Variants in ADA2 observed in about 807,000 individuals in gnomAD.
The protein encoded by ADA2 is adenosine deaminase CECR1.
Under a neutral mutation model 44.2 loss-of-function variants are expected in ADA2, and 29 were observed. That is an observed-to-expected ratio of 0.66 (90% CI 0.49 to 0.89). The LOEUF (loss-of-function observed/expected upper bound fraction) is 0.89. ADA2 is among the 40% of genes least tolerant of loss of function. The probability of loss-of-function intolerance (pLI) is 0.00; values close to 1 mark genes in which losing one functional copy is unlikely to be tolerated. For synonymous variants in ADA2, 215 were observed against 234.9 expected (o/e 0.92, Z 0.77); for missense variants, 637 against 644.8 (o/e 0.99, Z 0.13).
chr22:17,212,728 T>C (rs1338074645), intron 1 of ADA2, among the ~76,000 whole-genome samples: 3 of 151,688 alleles, frequency 2.0e-5, no homozygotes, highest in Non-Finnish European at 4.4e-5. Flanking sequence ...AAATGGCCAA[T>C]ACGTATACGA....
chr22:17,208,424 A>G (rs2062378470), intron 2 of ADA2, among the ~76,000 whole-genome samples: 1 of 128,328 alleles, frequency 7.8e-6, no homozygotes, highest in South Asian at 2.6e-4. Context: ...ACTCCGTCTC[A>G]AAAAAAAAAA....
At chr22:17,203,037 G>C (rs902085539) in intron 4 of ADA2, among the ~76,000 whole-genome samples, 1 of 152,044 alleles carries the variant, frequency 6.6e-6, no homozygotes, top group Non-Finnish European at 1.5e-5. Context: ...GCCTCCCAAA[G>C]TGCTGGGATT....
Position 17,207,138 on chromosome 22 carries a change from A to G in ADA2, c.475T>C (p.Cys159Arg). ...TCCTCCAGCAGAATCCACTTGGAACATTTTTCTGATGGACGGGGAGTTGGG... is the reference window on the plus strand; with the variant it reads ...TCCTCCAGCAGAATCCACTTGGAACGTTTTTCTGATGGACGGGGAGTTGGG... ...AHPTPRPSEKCSKWILLEDYR... is the reference protein window; with the variant it reads ...AHPTPRPSEKRSKWILLEDYR... The change falls in exon 3 of 10, where the codon TGT (cysteine) becomes CGT (arginine). Residue 159 changes from cysteine to arginine, a missense_variant. By Grantham distance (180) the Cys-to-Arg change is radical (BLOSUM62 -3). Coordinates refer to ENST00000399837, the MANE Select transcript of ADA2 (RefSeq NM_001282225.2). 1.9e-6 allele frequency: 3 copies of G among 1,614,166 alleles called. No homozygotes were observed. Among genetic ancestry groups the G allele is most frequent in the Non-Finnish European group, 1.7e-6 (2 of 1,180,030 alleles).
At chr22:17,187,813 A>C (rs1475732148) in intron 7 of ADA2, among the ~76,000 whole-genome samples, 1 of 152,126 alleles carries the variant, frequency 6.6e-6, no homozygotes, top group East Asian at 1.9e-4. Context: ...ATCAGAAATC[A>C]ATTAGAAAAG....
rs767740492 is a variant in ADA2, at chr22:17,189,932, C to A, written c.972+10G>T. ...TAACAGGCAGCCCTTCTGTTCACAG[C>A]ATGGGTTACCAGGTCAAACCCTGCC... On this transcript the variant is annotated intron_variant, in intron 6 of 9. Coordinates refer to ENST00000399837, the MANE Select transcript of ADA2 (RefSeq NM_001282225.2). 1 of 1,603,690 alleles carries A rather than the reference C, an allele frequency of 6.2e-7. No homozygotes were observed. Among genetic ancestry groups the A allele is most frequent in the Non-Finnish European group, 8.5e-7 (1 of 1,170,442 alleles).
At chr22:17,210,432 C>T (rs960473886) in intron 1 of ADA2, among the ~76,000 whole-genome samples, 7 of 151,320 alleles carry the variant, frequency 4.6e-5, no homozygotes, top group Non-Finnish European at 5.9e-5. Context: ...TCAGGTGATC[C>T]GCCAGCCTCA....
intron 4 of ADA2, among the ~76,000 whole-genome samples, chr22:17,199,207 G>A (rs2062237417): frequency 6.6e-6 from 1 of 152,114 alleles, no homozygotes; most frequent in African/African-American, 2.4e-5. Flanking sequence ...CGGGCAGAGT[G>A]AGGACAGAGG....
At position 17,203,479 on chromosome 22, in the gene ADA2, G is replaced by A. The variant is rs1313591886; in HGVS notation, c.753+84C>T. On this transcript the variant is annotated intron_variant, in intron 4 of 9. Transcript: ENST00000399837. ...CCAGAGACCTGAGTGGTCAATTCAT[G>A]AGCATTCAGTCTTCTACCAGCTAAG... is the stretch of plus-strand genomic sequence containing the variant. 8.9e-6 allele frequency: 10 copies of A among 1,121,506 alleles called. No individual in the cohort carries two copies. In the Admixed American group the frequency reaches 1.5e-4, roughly 17 times the overall value. The allele number at this position is 1,121,506 out of a possible 1,614,324, so 69.5% of individuals were successfully genotyped here. A position where few individuals can be genotyped will look rare whatever the true frequency, so the allele number is the denominator to read the frequency against.
upstream of ADA2, among the ~76,000 whole-genome samples, chr22:17,219,914 G>T (rs994544535): frequency 4.6e-5 from 7 of 151,874 alleles, no homozygotes; most frequent in African/African-American, 1.7e-4. Flanking sequence ...GACCTCAGGT[G>T]ATCCGCCCAC....
chr22:17,181,698 C>A, intron 9 of ADA2, 122 bp from the exon 10 acceptor site: 1 of 1,085,118 alleles, frequency 9.2e-7, no homozygotes, highest in Non-Finnish European at 1.4e-6. Context: ...AAGGACTAAA[C>A]AGCCATGATG....
chr22:17,215,240 C>G (rs1304000787), intron 1 of ADA2, among the ~76,000 whole-genome samples: 1 of 152,066 alleles, frequency 6.6e-6, no homozygotes, highest in East Asian at 1.9e-4. Flanking sequence ...AAAGCAGAAG[C>G]CAGTTATTTA....
rs2062065604 is a variant in ADA2, at chr22:17,188,424, G to A, written c.996C>T (p.His332=). The change falls in exon 7 of 10, where the codon CAC becomes CAT. Residue 332 remains histidine (H), a synonymous_variant. Transcript: ENST00000399837. The part of the protein sequence containing the change: ...FDLVGHEDTG[H]SLHDYKEALM... Reference sequence around the variant, plus strand: ...GAGCTTCCTTGTAGTCATGCAAGGAGTGGCCAGTGTCCTCATGCCCCACCT... The same window carrying A: ...GAGCTTCCTTGTAGTCATGCAAGGAATGGCCAGTGTCCTCATGCCCCACCT... 6.2e-7 allele frequency: 1 copy of A among 1,613,334 alleles called. No individual in the cohort carries two copies. Among genetic ancestry groups the A allele is most frequent in the Non-Finnish European group, 8.5e-7 (1 of 1,179,428 alleles).
rs1340986499 is a variant in ADA2, at chr22:17,179,029, T to C, written c.*2454A>G. ...CCCAGTTCCAGGAACCAAATGGTGA[T>C]AAACTAGGAATGGAGAGAGGGCTTG... On this transcript the variant is annotated 3_prime_UTR_variant, in exon 10 of 10. Transcript: ENST00000399837. The C allele has an allele frequency of 2.6e-5, 4 of 152,398 alleles. No homozygotes were observed. The highest frequency in any genetic ancestry group is 2.6e-4 in the Admixed American group (4 of 15,286). The allele number at this position is 152,398 out of a possible 1,614,324, so 9.4% of individuals were successfully genotyped here.
At chr22:17,196,011 C>T (rs138632530) in intron 4 of ADA2, among the ~76,000 whole-genome samples, 12,906 of 151,674 alleles carry the variant, frequency 0.085, 794 homozygotes, top group Middle Eastern at 0.16. Context: ...CCTCCCAAAG[C>T]GCTGGGATTA....
At chr22:17,184,018 G>A (rs1215281473) in intron 7 of ADA2, among the ~76,000 whole-genome samples, 5 of 131,478 alleles carry the variant, frequency 3.8e-5, no homozygotes, top group African/African-American at 1.5e-4. Context: ...GAGTGCAGTG[G>A]TGCAGTCTCG....
intron 1 of ADA2, among the ~76,000 whole-genome samples, chr22:17,217,259 G>A (rs1021182164): frequency 2.6e-5 from 4 of 151,986 alleles, no homozygotes; most frequent in Non-Finnish European, 5.9e-5. Flanking sequence ...AACAGGTGAA[G>A]GAAATAAGCC....
intron 4 of ADA2, among the ~76,000 whole-genome samples, chr22:17,194,767 T>C (rs974516095): frequency 6.6e-6 from 1 of 151,770 alleles, no homozygotes; most frequent in Non-Finnish European, 1.5e-5. Context: ...GGATCTAGTA[T>C]TGTCTATTAT....
intron 2 of ADA2, 68 bp from the exon 3 acceptor site, chr22:17,207,358 GA>G (rs1227685554): frequency 1.1e-5 from 13 of 1,174,710 alleles, no homozygotes; most frequent in Non-Finnish European, 1.5e-5. Context: ...AGGGCTTGGG[GA>G]CAAAGGAGGG....
chr22:17,206,961 A>G, intron 3 of ADA2, 110 bp downstream of exon 3: 1 of 799,318 alleles, frequency 1.3e-6, no homozygotes, highest in South Asian at 1.7e-5. Flanking sequence ...GCCTTGCCTC[A>G]TGTTTTATTA....
Sources: allele counts gnomAD v4.1 joint callset (sites outside exome capture counted in the v4.1 genomes callset), GRCh38; gene constraint gnomAD v4.1.1; transcripts MANE v1.5; gene names NCBI Gene and HGNC (gene_info 2026-07-23, HGNC 2026-07-21).